Variants in DNAH1 observed in about 807,000 individuals in gnomAD.
The protein encoded by DNAH1 is dynein axonemal heavy chain 1.
Under a neutral mutation model 484.3 loss-of-function variants are expected in DNAH1, and 327 were observed. The observed-to-expected ratio is 0.68, with a 90% CI of 0.62 to 0.74. The LOEUF (loss-of-function observed/expected upper bound fraction) is 0.74, where lower values mean the gene tolerates loss of function less well. Ranked by LOEUF, DNAH1 falls within the 30% of genes least tolerant of loss-of-function variation. The probability of loss-of-function intolerance (pLI) is 0.00; values close to 1 mark genes in which losing one functional copy is unlikely to be tolerated. For synonymous variants in DNAH1, 2,192 were observed against 2,191.9 expected (o/e 1.00, Z 0.00); for missense variants, 5,052 against 5,546.8 (o/e 0.91, Z 2.83).
At chr3:52,347,524 G>C (rs970979932) in intron 11 of DNAH1, among the ~76,000 whole-genome samples, 2 of 152,178 alleles carry the variant, frequency 1.3e-5, no homozygotes, top group African/African-American at 2.4e-5. Flanking sequence ...AGGAAGATGG[G>C]CTCCCGGGGA....
intron 77 of DNAH1, among the ~76,000 whole-genome samples, 179 bp downstream of exon 77, chr3:52,399,958 ACC>A (rs1166437005): frequency 6.6e-6 from 1 of 152,050 alleles, no homozygotes; most frequent in Non-Finnish European, 1.5e-5. Flanking sequence ...TGTGGGGAGC[ACC>A]CCTGAACTCC....
chr3:52,381,568 TG>T lies in DNAH1; in HGVS notation c.7609-69del. On this transcript the variant is annotated intron_variant, in intron 48 of 77. Transcript: ENST00000420323. This position sits in a 1 kb window ranked among gnomAD's most constrained non-coding sequence, Gnocchi z 4.1. ...CAGTCAGGACAGAGAAGAAAGCGGG[TG>T]GGTGGGGGGAATCGGGGAGACCCTA... The T allele has an allele frequency of 7.2e-7, 1 of 1,394,216 alleles. No individual in the cohort carries two copies. Among genetic ancestry groups the T allele is most frequent in the Non-Finnish European group, 9.7e-7 (1 of 1,031,476 alleles). 86.4% of individuals were successfully genotyped at this position (1,394,216 alleles called of 1,614,324 possible).
At chr3:52,314,848 G>C (rs1305675428), upstream of DNAH1, among the ~76,000 whole-genome samples, 3 of 152,138 alleles carry the variant, frequency 2.0e-5, no homozygotes, top group South Asian at 6.2e-4. Flanking sequence ...GGCTGCACAG[G>C]AGTAAAGGTG....
At position 52,362,416 on chromosome 3, in the gene DNAH1, A is replaced by T; in HGVS notation, c.5009A>T (p.Glu1670Val). The T allele has an allele frequency of 6.2e-7, 1 of 1,613,904 alleles. No individual in the cohort carries two copies. The highest frequency in any genetic ancestry group is 8.5e-7 in the Non-Finnish European group (1 of 1,179,860). ...GAACGCTTCATGTTTGAGGGTGTGG[A>T]GATCCCACTGGTGCCATCCTGCGCA... The part of the protein sequence containing the change: ...RVERFMFEGV[E>V]IPLVPSCAVF... The change falls in exon 31 of 78, where the codon GAG becomes GTG. Residue 1670 changes from glutamate (E) to valine (V), a missense_variant. Coordinates refer to ENST00000420323, the MANE Select transcript of DNAH1 (RefSeq NM_015512.5). The surrounding 1 kb of genome is among the most constrained non-coding windows in gnomAD (Gnocchi z 5.1).
chr3:52,385,037 A>G, intron 53 of DNAH1, 60 bp downstream of exon 53: 1 of 1,539,894 alleles, frequency 6.5e-7, no homozygotes, highest in South Asian at 1.2e-5. Flanking sequence ...CTGCTCACTC[A>G]GCCCTGACTC....
At chr3:52,320,800 C>CTTTT (rs556409465) in intron 1 of DNAH1, among the ~76,000 whole-genome samples, 7 of 125,070 alleles carry the variant, frequency 5.6e-5, no homozygotes, top group Admixed American at 8.1e-5. Context: ...TCTTTCTTTC[C>CTTTT]TTTTTTTTTT....
chr3:52,358,883 CCA>C lies in DNAH1; in HGVS notation c.4266+154_4266+155del. 1 of 950,666 alleles carries C rather than the reference CCA, an allele frequency of 1.1e-6. No individual in the cohort carries two copies. 58.9% of individuals were successfully genotyped at this position (950,666 alleles called of 1,614,324 possible). On this transcript the variant is annotated intron_variant, in intron 25 of 77. Coordinates refer to ENST00000420323, the MANE Select transcript of DNAH1 (RefSeq NM_015512.5). The surrounding 1 kb of genome is among the most constrained non-coding windows in gnomAD (Gnocchi z 4.2). ...GGCGGGATTCTGGAGTCTTTCCTTT[CCA>C]CACACACTCCAGAAAGTGGGACTCA...
chr3:52,393,116 G>A lies in DNAH1; in HGVS notation c.10474+91G>A, dbSNP rs1704469689. The A allele has an allele frequency of 4.0e-6, 6 of 1,495,334 alleles. No individual in the cohort carries two copies. In the South Asian group the frequency reaches 6.1e-5, roughly 15 times the overall value. 92.6% of individuals were successfully genotyped at this position (1,495,334 alleles called of 1,614,324 possible). A position where few individuals can be genotyped will look rare whatever the true frequency, so the allele number is the denominator to read the frequency against. On this transcript the variant is annotated intron_variant, in intron 65 of 77. Transcript: ENST00000420323. Reference sequence around the variant, plus strand: ...GGGGCACACACAAACTCACAACTGTGTTCACTGGCGTACACTCTCCTCTTA... The same window carrying A: ...GGGGCACACACAAACTCACAACTGTATTCACTGGCGTACACTCTCCTCTTA...
chr3:52,311,853 A>T (rs1700773477), upstream of DNAH1, among the ~76,000 whole-genome samples: 1 of 151,550 alleles, frequency 6.6e-6, no homozygotes, highest in East Asian at 1.9e-4. Flanking sequence ...GCCCACAGGG[A>T]CCCCCCTCCT....
In DNAH1 at chr3:52,399,066, C is replaced by T. The variant is rs766796939; in HGVS notation, c.12306C>T (p.Ala4102=). The T allele has an allele frequency of 9.9e-6, 16 of 1,613,962 alleles. No homozygotes were observed. In the African/African-American group the frequency reaches 2.1e-4, roughly 22 times the overall value. The change falls in exon 76 of 78, where the codon GCC becomes GCT. Residue 4102 remains alanine (A), a synonymous_variant. Transcript: ENST00000420323. ...TGCAACGCCTGGACTTTCTGCAGGC[C>T]TGGATCCAAGATGGCATCCCAGCTG... ...DLLQRLDFLQ[A]WIQDGIPAVF...
chr3:52,399,493 C>A, intron 76 of DNAH1, 52 bp from the exon 77 acceptor site: 1 of 1,498,988 alleles, frequency 6.7e-7, no homozygotes, highest in South Asian at 1.3e-5. Flanking sequence ...GCCTCCTAAC[C>A]CAGATTCTGG....
chr3:52,341,354 C>T (rs1701933270), intron 8 of DNAH1, among the ~76,000 whole-genome samples: 1 of 152,018 alleles, frequency 6.6e-6, no homozygotes, highest in Admixed American at 6.6e-5. Flanking sequence ...TTTATGAAAT[C>T]CTCTCAGGAG....
rs1704701420 is a variant in DNAH1 at position 52,397,776 on chromosome 3, G to A, written c.11857G>A (p.Ala3953Thr). 6.2e-7 allele frequency: 1 copy of A among 1,613,814 alleles called. No homozygotes were observed. Among genetic ancestry groups the A allele is most frequent in the Non-Finnish European group, 8.5e-7 (1 of 1,179,780 alleles). The change falls in exon 74 of 78, where the codon GCC becomes ACC. Residue 3953 changes from alanine (A) to threonine (T), a missense_variant. Physicochemically the swap from Ala to Thr is moderately conservative, Grantham distance 58 (BLOSUM62 0). This residue lies in a region of DNAH1 where 853 missense variants were observed against 899.0 expected (regional missense o/e 0.95). Transcript: ENST00000420323. ...TGAGATCTTTGGCCTGCATGACAATGCCAACATCACCTTTGCCCAGAACGA... is the reference window on the plus strand; with the variant it reads ...TGAGATCTTTGGCCTGCATGACAATACCAACATCACCTTTGCCCAGAACGA... The part of the protein sequence containing the change: ...MPEIFGLHDN[A>T]NITFAQNETF...
chr3:52,331,150 G>A lies in DNAH1; in HGVS notation c.874G>A (p.Asp292Asn), dbSNP rs1342010634. 1 of 1,589,516 alleles carries A rather than the reference G, an allele frequency of 6.3e-7. No homozygotes were observed. Among genetic ancestry groups the A allele is most frequent in the Non-Finnish European group, 8.6e-7 (1 of 1,167,764 alleles). Residue 292 changes from aspartate to asparagine, a missense_variant and splice_region_variant, in exon 7 of 78, where the codon GAC (aspartate) becomes AAC (asparagine). This residue lies in a region of DNAH1 where 1,263 missense variants were observed against 1,218.8 expected (regional missense o/e 1.04). Transcript: ENST00000420323. The part of the protein sequence containing the change: ...LPTDDFLGHE[D>N]PKSQKLKYKW... Reference sequence around the variant, plus strand: ...TGGAGTTTCTCCTCCTGTTTCAGAGGACCCCAAGAGTCAGAAGCTGAAGTA... The same window carrying A: ...TGGAGTTTCTCCTCCTGTTTCAGAGAACCCCAAGAGTCAGAAGCTGAAGTA...
chr3:52,368,699 G>T lies in DNAH1; in HGVS notation c.5766-42G>T. 7 of 1,585,826 alleles carry T rather than the reference G, an allele frequency of 4.4e-6. No homozygotes were observed. Among genetic ancestry groups the T allele is most frequent in the Non-Finnish European group, 6.0e-6 (7 of 1,160,280 alleles). On this transcript the variant is annotated intron_variant, in intron 36 of 77. Coordinates refer to ENST00000420323, the MANE Select transcript of DNAH1 (RefSeq NM_015512.5). The surrounding 1 kb of genome is among the most constrained non-coding windows in gnomAD (Gnocchi z 4.4). ...GGGAGCCAGCTGTGCTCGAAGCACC[G>T]CCTCCCTGATGTTTCCAGCCCTCTC...
At chr3:52,374,538 C>A in intron 44 of DNAH1, 1 of 1,497,476 alleles carries the variant, frequency 6.7e-7, no homozygotes, top group South Asian at 1.1e-5. Context: ...CATGGAGCCC[C>A]TCTTCCGGCA....
chr3:52,352,046 C>T lies in DNAH1; in HGVS notation c.2814C>T (p.Phe938=), dbSNP rs368583584. 1.3e-6 allele frequency: 2 copies of T among 1,591,948 alleles called. No individual in the cohort carries two copies. Among genetic ancestry groups the T allele is most frequent in the African/African-American group, 1.3e-5 (1 of 74,532 alleles). Residue 938 remains phenylalanine (F), a synonymous_variant, in exon 17 of 78, where the codon TTC becomes TTT. Coordinates refer to ENST00000420323, the MANE Select transcript of DNAH1 (RefSeq NM_015512.5). ...QQQHVEDEEK[F]RKIQIMDQNN... ...AGCATGTGGAGGATGAGGAGAAGTT[C>T]CGCAAAATCCAGATCATGGATCAGA...
chr3:52,396,670 C>T lies in DNAH1; in HGVS notation c.11483C>T (p.Ala3828Val), dbSNP rs1272377338. ...TCTCTGTGCTTGTTCCATGGGAACG[C>T]CCTGGAGCGCCGTAAGTTTGGGCCC... ...LLSLCLFHGN[A>V]LERRKFGPLG... The change falls in exon 72 of 78, where the codon GCC (alanine) becomes GTC (valine). Residue 3828 changes from alanine (A) to valine (V), a missense_variant. By Grantham distance (64) the Ala-to-Val change is moderately conservative (BLOSUM62 0). Coordinates refer to ENST00000420323, the MANE Select transcript of DNAH1 (RefSeq NM_015512.5). 1.2e-6 allele frequency: 2 copies of T among 1,613,688 alleles called. No homozygotes were observed.
chr3:52,366,406 C>T (rs1380289720), intron 34 of DNAH1, 51 bp from the exon 35 acceptor site: 1 of 1,486,978 alleles, frequency 6.7e-7, no homozygotes, highest in Non-Finnish European at 9.2e-7. Flanking sequence ...GTGGTGTGGC[C>T]AGGACCCAAG....
Sources: gnomAD v4.1 joint callset for allele counts (sites outside exome capture counted in the v4.1 genomes callset) on GRCh38, gnomAD v4.1.1 for gene constraint, gnomAD v4.1.1 regional missense constraint, Gnocchi (gnomAD v3.1) non-coding constraint, MANE v1.5 for transcripts, NCBI Gene and HGNC (gene_info 2026-07-23, HGNC 2026-07-21) for gene names.